Variants in COL15A1 observed in about 807,000 individuals in gnomAD.
COL15A1 encodes the protein collagen alpha-1(XV) chain.
Under a neutral mutation model 165.9 loss-of-function variants are expected in COL15A1, and 111 were observed. The ratio of observed to expected loss-of-function variants is 0.67; its 90% CI spans 0.57 to 0.78. COL15A1 has a LOEUF of 0.78. Ranked by LOEUF, COL15A1 falls within the 30% of genes least tolerant of loss-of-function variation. The pLI, the probability that COL15A1 is intolerant of heterozygous loss-of-function variation, is 0.00. For missense variants in COL15A1, 1,745 were observed against 1,789.7 expected (o/e 0.98, Z 0.45); for synonymous variants, 659 against 674.8 (o/e 0.98, Z 0.36).
chr9:99,068,735 G>T, intron 41 of COL15A1, 65 bp downstream of exon 41: 1 of 931,610 alleles, frequency 1.1e-6, no homozygotes, highest in South Asian at 1.6e-5. Context: ...TCCTAACAAT[G>T]GGATGCCTTT....
At chr9:99,012,002 T>G (rs1301170571) in intron 9 of COL15A1, among the ~76,000 whole-genome samples, 2 of 152,196 alleles carry the variant, frequency 1.3e-5, no homozygotes, top group Admixed American at 1.3e-4. Flanking sequence ...CAAGCAAAGG[T>G]TATCCTGTTT....
intron 7 of COL15A1, among the ~76,000 whole-genome samples, chr9:99,002,001 C>A (rs938948953): frequency 6.6e-6 from 1 of 152,126 alleles, no homozygotes; most frequent in African/African-American, 2.4e-5. Context: ...TCAGCCAGCT[C>A]CCTTTGGAGA....
At chr9:99,015,115 T>C (rs889482817) in intron 9 of COL15A1, among the ~76,000 whole-genome samples, 8 of 152,018 alleles carry the variant, frequency 5.3e-5, no homozygotes, top group Admixed American at 3.3e-4. Flanking sequence ...GATTTTTTTT[T>C]CCCTTTGGCT....
At chr9:98,978,712 T>C (rs970810451) in intron 2 of COL15A1, among the ~76,000 whole-genome samples, 12 of 152,190 alleles carry the variant, frequency 7.9e-5, no homozygotes, top group African/African-American at 2.9e-4. Flanking sequence ...TTATGATTTC[T>C]ATAAGTGGAT....
intron 16 of COL15A1, among the ~76,000 whole-genome samples, chr9:99,029,353 C>G (rs966642364): frequency 1.3e-5 from 2 of 152,224 alleles, no homozygotes; most frequent in Non-Finnish European, 2.9e-5. Context: ...GTAAAATCAG[C>G]TTCTGTCTTT....
chr9:99,038,867 G>A (rs987703616), intron 22 of COL15A1, 134 bp downstream of exon 22: 4 of 598,902 alleles, frequency 6.7e-6, no homozygotes, highest in East Asian at 2.7e-5. Flanking sequence ...TGGAAAGAAA[G>A]CTTTGCATTT....
chr9:99,020,320 A>C (rs1839003769), intron 11 of COL15A1, 69 bp from the exon 12 acceptor site: 1 of 1,133,440 alleles, frequency 8.8e-7, no homozygotes, highest in African/African-American at 1.5e-5. Context: ...AGGGAATGTC[A>C]TCGGAACTCA....
intron 2 of COL15A1, among the ~76,000 whole-genome samples, chr9:98,982,243 C>A (rs773476666): frequency 6.6e-6 from 1 of 152,088 alleles, no homozygotes; most frequent in South Asian, 2.1e-4. Flanking sequence ...CTCAGCCTCC[C>A]GAATAGCTGG....
chr9:99,044,895 G>A (rs1375096923), intron 26 of COL15A1, 125 bp downstream of exon 26: 6 of 848,554 alleles, frequency 7.1e-6, no homozygotes, highest in Admixed American at 2.0e-5. Flanking sequence ...TGTGCAAAAT[G>A]TGCATATACT....
intron 2 of COL15A1, among the ~76,000 whole-genome samples, chr9:98,973,508 T>C (rs2118845912): frequency 6.6e-6 from 1 of 152,330 alleles, no homozygotes; most frequent in East Asian, 1.9e-4. Context: ...TGATAGGTTT[T>C]TCTAAGAACC....
Position 99,019,460 on chromosome 9 carries a change from C to G in COL15A1, c.1648-929C>G, listed in dbSNP as rs1432960048. Among the ~76,000 whole-genome samples the G allele has an allele frequency of 2.0e-5, 3 of 152,174 alleles. No homozygotes were observed. In the South Asian group the frequency reaches 6.2e-4, roughly 32 times the overall value. ...GAACTCCTGACCTCAGATGATTCAC[C>G]TGCCTCAGCCTCCCAAAGTGCTGGG... is the stretch of plus-strand genomic sequence containing the variant. On this transcript the variant is annotated intron_variant, in intron 11 of 41. Transcript: ENST00000375001.
chr9:98,972,725 T>C (rs1017354068), intron 2 of COL15A1, among the ~76,000 whole-genome samples: 1 of 152,040 alleles, frequency 6.6e-6, no homozygotes, highest in African/African-American at 2.4e-5. Flanking sequence ...GTTGGCATGG[T>C]CCATGCCCAG....
chr9:99,049,831 T>A (rs1564084873), intron 29 of COL15A1, 23 bp from the exon 30 acceptor site: 1 of 1,614,166 alleles, frequency 6.2e-7, no homozygotes, highest in Admixed American at 1.7e-5. Flanking sequence ...TGACCTCACC[T>A]CTCTTGTTCT....
Position 99,069,810 on chromosome 9 carries a change from A to G in COL15A1, c.4091A>G (p.Gln1364Arg). Residue 1364 changes from glutamine (Q) to arginine (R), a missense_variant, in exon 42 of 42, where the codon CAG becomes CGG. By Grantham distance (43) the Gln-to-Arg change is conservative. Transcript: ENST00000375001. ...CTGAGCACGGGGAAGATTCTGGACC[A>G]GAAAGCATACAGCTGTGCTAATCGG... is the stretch of plus-strand genomic sequence containing the variant. ...SPLSTGKILD[Q>R]KAYSCANRLI... 2 of 1,614,250 alleles carry G rather than the reference A, an allele frequency of 1.2e-6. No homozygotes were observed. The highest frequency in any genetic ancestry group is 1.7e-6 in the Non-Finnish European group (2 of 1,180,042).
chr9:99,051,347 G>C (rs1490212897), intron 30 of COL15A1, among the ~76,000 whole-genome samples: 5 of 152,158 alleles, frequency 3.3e-5, no homozygotes, highest in Non-Finnish European at 7.3e-5. Context: ...GAAAAGATAG[G>C]CTCAAAGCAT....
intron 36 of COL15A1, 59 bp from the exon 37 acceptor site, chr9:99,061,912 C>T (rs1825821429): frequency 1.3e-6 from 2 of 1,562,914 alleles, no homozygotes; most frequent in African/African-American, 2.7e-5. Context: ...GCCAGGTTAT[C>T]AGATGGTGCC....
chr9:99,040,644 A>G (rs1839385967), intron 23 of COL15A1, 88 bp downstream of exon 23: 2 of 1,607,208 alleles, frequency 1.2e-6, no homozygotes, highest in Non-Finnish European at 1.7e-6. Context: ...TCCTCCATCT[A>G]TGCATGACTG....
At chr9:98,983,787 T>C (rs1267603243) in intron 2 of COL15A1, among the ~76,000 whole-genome samples, 2 of 152,260 alleles carry the variant, frequency 1.3e-5, no homozygotes, top group East Asian at 1.9e-4. Context: ...TTAGTCATTC[T>C]TTTGGAGCCC....
At chr9:98,945,819 T>G (rs773737032) in intron 2 of COL15A1, among the ~76,000 whole-genome samples, 2 of 152,208 alleles carry the variant, frequency 1.3e-5, no homozygotes, top group Non-Finnish European at 2.9e-5. Context: ...TGAACTTTGC[T>G]GCAACTTCCA....
Sources: allele counts gnomAD v4.1 joint callset (sites outside exome capture counted in the v4.1 genomes callset), GRCh38; gene constraint gnomAD v4.1.1; transcripts MANE v1.5; gene names NCBI Gene and HGNC (gene_info 2026-07-23, HGNC 2026-07-21).